NCOA2: variants seen among roughly 807,000 people sequenced by gnomAD.
The protein encoded by NCOA2 is nuclear receptor coactivator 2, also known as class E basic helix-loop-helix protein 75.
NCOA2 carries 21 observed loss-of-function variants against 145.1 expected under a neutral mutation model. That is an observed-to-expected ratio of 0.14 (90% confidence interval 0.10 to 0.21). The LOEUF (loss-of-function observed/expected upper bound fraction) is 0.21. Among genes scored for constraint, NCOA2 ranks in the 10% least tolerant of loss-of-function variants. NCOA2 has a pLI of 1.00. For missense variants in NCOA2, 1,472 were observed against 1,837.6 expected, an observed-to-expected ratio of 0.80 and a Z score of 3.64; for synonymous variants, 619 against 637.5, an observed-to-expected ratio of 0.97 and a Z score of 0.44.
Position 70,203,080 on chromosome 8 carries a change from C to T in NCOA2, c.259+10823G>A, listed in dbSNP as rs546499021. On this transcript the variant is annotated intron_variant, in intron 4 of 22. Coordinates refer to ENST00000452400, the MANE Select transcript of NCOA2 (RefSeq NM_006540.4). Reference sequence around the variant, plus strand: ...AAGATCGAGACCATTCTGGCCAACACGGTGAAACCCCGTCTCAACTAAAAA... The same window carrying T: ...AAGATCGAGACCATTCTGGCCAACATGGTGAAACCCCGTCTCAACTAAAAA... 8.6e-5 allele frequency among the ~76,000 whole-genome samples: 13 copies of T among 151,960 alleles called. No individual in the cohort carries two copies. The East Asian group carries it at 1.2e-3, about 14-fold the overall frequency.
chr8:70,172,582 T>A (rs1468061504), intron 5 of NCOA2, among the ~76,000 whole-genome samples: 1 of 152,188 alleles, frequency 6.6e-6, no homozygotes, highest in Non-Finnish European at 1.5e-5. Flanking sequence ...CAAGACTATA[T>A]GTAAATAAAT....
At chr8:70,119,873 CTTTTT>C (rs34652365) in intron 22 of NCOA2, among the ~76,000 whole-genome samples, 8,239 of 144,196 alleles carry the variant, frequency 0.057, 226 homozygotes, top group South Asian at 0.1. Flanking sequence ...CCTTTGTCCA[CTTTTT>C]TTTTTTTTTG....
chr8:70,454,353 A>G, the NCOA2 span, among the ~76,000 whole-genome samples: 2,060 of 152,332 alleles, frequency 0.014, 51 homozygotes, highest in African/African-American at 0.046. Flanking sequence ...GAATGACAGG[A>G]TGCAAAACTA....
At chr8:70,404,308 C>G (rs2131891546), upstream of NCOA2, among the ~76,000 whole-genome samples, 1 of 152,324 alleles carries the variant, frequency 6.6e-6, no homozygotes, top group Admixed American at 6.5e-5. Flanking sequence ...GCCTGGGCCG[C>G]TGAGTTAGAG....
At chr8:70,115,689 T>G (rs1807021679) in intron 22 of NCOA2, among the ~76,000 whole-genome samples, 1 of 152,168 alleles carries the variant, frequency 6.6e-6, no homozygotes, top group Non-Finnish European at 1.5e-5. Context: ...AGCAGTAAAC[T>G]CAATTTTAAT....
At chr8:70,443,322 T>G in the NCOA2 span, among the ~76,000 whole-genome samples, 1 of 152,018 alleles carries the variant, frequency 6.6e-6, no homozygotes, top group African/African-American at 2.4e-5. Context: ...TGAGCCATGG[T>G]CTGATCATGA....
intron 1 of NCOA2, among the ~76,000 whole-genome samples, chr8:70,357,853 C>A (rs1216801343): frequency 6.6e-6 from 1 of 152,044 alleles, no homozygotes; most frequent in Non-Finnish European, 1.5e-5. Flanking sequence ...GAGTTCAATA[C>A]CAGCCTGGGC....
At chr8:70,214,600 G>C (rs1006630896) in intron 3 of NCOA2, among the ~76,000 whole-genome samples, 1 of 152,012 alleles carries the variant, frequency 6.6e-6, no homozygotes, top group African/African-American at 2.4e-5. Flanking sequence ...AGCCTTTTTA[G>C]GTAATGCAAA....
chr8:70,193,626 A>G (rs531755115), intron 4 of NCOA2, among the ~76,000 whole-genome samples: 1 of 152,354 alleles, frequency 6.6e-6, no homozygotes, highest in Non-Finnish European at 1.5e-5. Context: ...AAAAGCTTTT[A>G]AGAAGTTGAG....
At chr8:70,124,160 C>T in intron 20 of NCOA2, 78 bp from the exon 21 acceptor site, 2 of 1,375,444 alleles carry the variant, frequency 1.5e-6, no homozygotes. Flanking sequence ...GCACTTGTTT[C>T]TCAGGCGTTT....
intron 2 of NCOA2, among the ~76,000 whole-genome samples, chr8:70,219,900 A>T (rs1819995317): frequency 6.6e-6 from 1 of 152,064 alleles, no homozygotes. Context: ...AGGTGAGTTC[A>T]TTTTTCCCCC....
At chr8:70,118,956 G>T (rs181653147) in intron 22 of NCOA2, among the ~76,000 whole-genome samples, 35 of 152,138 alleles carry the variant, frequency 2.3e-4, no homozygotes, top group African/African-American at 7.2e-4. Context: ...CGAAAGTGTT[G>T]GGATTACAGG....
intron 22 of NCOA2, among the ~76,000 whole-genome samples, chr8:70,115,346 C>G (rs1355776744): frequency 6.6e-6 from 1 of 152,138 alleles, no homozygotes; most frequent in Non-Finnish European, 1.5e-5. Flanking sequence ...CTGGCATGGA[C>G]TAACATCAAT....
chr8:70,386,335 A>G (rs1464518503), intron 1 of NCOA2, among the ~76,000 whole-genome samples: 2 of 152,224 alleles, frequency 1.3e-5, no homozygotes, highest in Non-Finnish European at 2.9e-5. Flanking sequence ...GACTTGTTCT[A>G]TCATCCATGC....
intron 2 of NCOA2, among the ~76,000 whole-genome samples, chr8:70,268,471 T>C (rs1203611550): frequency 1.3e-5 from 2 of 152,188 alleles, no homozygotes; most frequent in East Asian, 1.9e-4. Flanking sequence ...TTACATTAGG[T>C]ACAGTTTGAC....
intron 2 of NCOA2, among the ~76,000 whole-genome samples, chr8:70,264,233 A>C (rs1187713981): frequency 6.7e-6 from 1 of 149,876 alleles, no homozygotes; most frequent in Non-Finnish European, 1.5e-5. Context: ...AAAAAGGGGG[A>C]TTGACTGAGT....
intron 1 of NCOA2, among the ~76,000 whole-genome samples, chr8:70,331,450 A>C (rs1807086527): frequency 1.3e-5 from 2 of 152,286 alleles, no homozygotes; most frequent in African/African-American, 2.4e-5. Context: ...AAACTGTATT[A>C]AATTACAGAT....
chr8:70,289,175 T>C (rs866815624), intron 2 of NCOA2, among the ~76,000 whole-genome samples: 8 of 152,308 alleles, frequency 5.3e-5, no homozygotes, highest in South Asian at 4.1e-4. Context: ...AACAGAAGTG[T>C]TTTCTGGACT....
At chr8:70,293,976 AAAT>A (rs1378257006) in intron 2 of NCOA2, among the ~76,000 whole-genome samples, 1 of 152,184 alleles carries the variant, frequency 6.6e-6, no homozygotes, top group Non-Finnish European at 1.5e-5. Context: ...GGAAGTATAT[AAAT>A]AATAATATTT....
Sources: allele counts gnomAD v4.1 joint callset (sites outside exome capture counted in the v4.1 genomes callset), GRCh38; gene constraint gnomAD v4.1.1; transcripts MANE v1.5; gene names NCBI Gene and HGNC (gene_info 2026-07-23, HGNC 2026-07-21).